BBOF1: variants seen among roughly 807,000 people sequenced by gnomAD.
BBOF1 encodes the protein basal body orientation factor 1, also known as basal body-orientation factor 1.
Under a neutral mutation model 68.0 loss-of-function variants are expected in BBOF1, and 62 were observed. The ratio of observed to expected loss-of-function variants is 0.91; its 90% confidence interval spans 0.74 to 1.13. The LOEUF (loss-of-function observed/expected upper bound fraction) is 1.13, where lower values mean the gene tolerates loss of function less well. Among genes scored for constraint, BBOF1 ranks in the 50% most tolerant of loss-of-function variants. BBOF1 has a pLI of 0.00. For synonymous variants in BBOF1, 208 were observed against 198.8 expected, an observed-to-expected ratio of 1.05 and a Z score of -0.39; for missense variants, 534 against 600.1, an observed-to-expected ratio of 0.89 and a Z score of 1.15.
chr14:74,038,903 AAAG>A (rs1470188592), intron 4 of BBOF1, among the ~76,000 whole-genome samples: 2 of 152,178 alleles, frequency 1.3e-5, no homozygotes, highest in African/African-American at 4.8e-5. Flanking sequence ...AAAAAGAAAA[AAAG>A]AAGAAAGAAA....
chr14:74,070,488 C>T (rs2060534184), downstream of BBOF1, among the ~76,000 whole-genome samples: 1 of 152,140 alleles, frequency 6.6e-6, no homozygotes, highest in East Asian at 1.9e-4. Flanking sequence ...CACTGCTCTC[C>T]AGTCTGGGCG....
chr14:74,052,559 C>T (rs2060091731), intron 8 of BBOF1, among the ~76,000 whole-genome samples: 1 of 151,906 alleles, frequency 6.6e-6, no homozygotes, highest in Non-Finnish European at 1.5e-5. Flanking sequence ...GCAGGAGAAT[C>T]ACTTGAACCT....
At chr14:74,046,701 TACTA>T (rs2059959520) in intron 6 of BBOF1, 1 of 152,582 alleles carries the variant, frequency 6.6e-6, no homozygotes, top group Non-Finnish European at 1.5e-5. Context: ...TCAACATGTA[TACTA>T]ACTAACCGTA....
downstream of BBOF1, among the ~76,000 whole-genome samples, chr14:74,069,429 G>A (rs889672162): frequency 1.3e-5 from 2 of 151,748 alleles, no homozygotes; most frequent in Non-Finnish European, 2.9e-5. Context: ...GATTCTCATT[G>A]TGAAGTTCTC....
chr14:74,054,349 CTAAA>C (rs1311262376), intron 8 of BBOF1, among the ~76,000 whole-genome samples: 1 of 149,834 alleles, frequency 6.7e-6, no homozygotes, highest in Non-Finnish European at 1.5e-5. Flanking sequence ...GTCTGTGTCT[CTAAA>C]TAAATAATGT....
chr14:74,048,821 G>A (rs1299492033), intron 7 of BBOF1, among the ~76,000 whole-genome samples: 2 of 152,130 alleles, frequency 1.3e-5, no homozygotes, highest in Non-Finnish European at 2.9e-5. Flanking sequence ...TATTGGGATA[G>A]GCAACAAGGA....
At chr14:74,042,381 T>C (rs1195281861) in intron 5 of BBOF1, among the ~76,000 whole-genome samples, 1 of 152,240 alleles carries the variant, frequency 6.6e-6, no homozygotes, top group Non-Finnish European at 1.5e-5. Context: ...TGATCTCTTT[T>C]CTACTTGGTG....
At chr14:74,036,930 G>A (rs942377939) in intron 4 of BBOF1, among the ~76,000 whole-genome samples, 3 of 147,176 alleles carry the variant, frequency 2.0e-5, no homozygotes, top group African/African-American at 7.5e-5. Flanking sequence ...ATTCCTGGTA[G>A]ATCTTGGCCC....
intron 6 of BBOF1, among the ~76,000 whole-genome samples, chr14:74,046,413 T>A (rs2059950280): frequency 7.1e-6 from 1 of 139,894 alleles, no homozygotes; most frequent in South Asian, 2.6e-4. Flanking sequence ...ATCCAGGCTA[T>A]CCAGGCTGGA....
At chr14:74,037,848 G>GGGA (rs2059744281) in intron 4 of BBOF1, among the ~76,000 whole-genome samples, 1 of 151,672 alleles carries the variant, frequency 6.6e-6, no homozygotes, top group Admixed American at 6.6e-5. Context: ...CCAGCTACTC[G>GGGA]GGAGGCTGAG....
intron 2 of BBOF1, among the ~76,000 whole-genome samples, chr14:74,023,509 A>G (rs1205141568): frequency 1.3e-5 from 2 of 152,234 alleles, no homozygotes; most frequent in Non-Finnish European, 2.9e-5. Flanking sequence ...AATCCATGAT[A>G]ACTTTCTGAA....
chr14:74,066,840 G>C (rs1484703359), downstream of BBOF1: 7 of 1,614,018 alleles, frequency 4.3e-6, no homozygotes, highest in Non-Finnish European at 5.9e-6. Context: ...CTCGCTCTTT[G>C]GCCTGGGGAG....
downstream of BBOF1, chr14:74,071,020 A>C: frequency 1.5e-6 from 1 of 688,134 alleles, no homozygotes; most frequent in East Asian, 2.6e-5. Flanking sequence ...GCTATTCCCC[A>C]ATCAGTTACC....
chr14:74,082,279 A>G (rs1365604032), intron 12 of BBOF1, among the ~76,000 whole-genome samples: 1 of 151,520 alleles, frequency 6.6e-6, no homozygotes, highest in Non-Finnish European at 1.5e-5. Context: ...AAGTTTGACT[A>G]CTCTTCGTGG....
chr14:74,060,661 A>G (rs1384100747), intron 11 of BBOF1: 4 of 1,612,562 alleles, frequency 2.5e-6, no homozygotes, highest in African/African-American at 2.7e-5. Flanking sequence ...CATGGTAGGC[A>G]TGACAACAGC....
At chr14:74,073,659 G>A in intron 9 of BBOF1, among the ~76,000 whole-genome samples, 1 of 151,390 alleles carries the variant, frequency 6.6e-6, no homozygotes, top group African/African-American at 2.4e-5. Context: ...GCTCACGCCT[G>A]TAATCCCAGC....
chr14:74,030,949 G>GAA, intron 3 of BBOF1, among the ~76,000 whole-genome samples: 2 of 150,726 alleles, frequency 1.3e-5, no homozygotes, highest in Admixed American at 1.3e-4. Flanking sequence ...TAGAGAGAGA[G>GAA]AGATTATATA....
At position 74,071,100 on chromosome 14, in the gene BBOF1, C is replaced by T. The variant is rs971900432; in HGVS notation, n.1380-7096C>T. On this transcript the variant is annotated intron_variant and non_coding_transcript_variant, in intron 9 of 12. Transcript: ENST00000492026. ...AAATGAGTAAATCCTTTCCTCCTTA[C>T]AAGTAGGTTCCTTATCCTAAAACAT... 4.2e-6 allele frequency: 5 copies of T among 1,199,626 alleles called. No homozygotes were observed. In the African/African-American group the frequency reaches 6.0e-5, roughly 14 times the overall value. The allele number at this position is 1,199,626 out of a possible 1,614,324, so 74.3% of individuals were successfully genotyped here.
chr14:74,059,450 CT>C (rs2060290477), intron 11 of BBOF1: 1 of 449,998 alleles, frequency 2.2e-6, no homozygotes, highest in Non-Finnish European at 4.5e-6. Flanking sequence ...AATCCCAGCA[CT>C]TTGGGAGGCC....
Sources: gnomAD v4.1 joint callset for allele counts (sites outside exome capture counted in the v4.1 genomes callset) on GRCh38, gnomAD v4.1.1 for gene constraint, MANE v1.5 for transcripts, NCBI Gene and HGNC (gene_info 2026-07-23, HGNC 2026-07-21) for gene names.